The following NELL1 variants were observed in gnomAD, a reference collection of about 807,000 sequenced individuals.
NELL1 encodes the protein protein kinase C-binding protein NELL1.
NELL1 carries 76 observed loss-of-function variants against 107.4 expected under a neutral mutation model. That is an observed-to-expected ratio of 0.71 (90% CI 0.59 to 0.86). The LOEUF (loss-of-function observed/expected upper bound fraction) is 0.86. Ranked by LOEUF, NELL1 falls within the 40% of genes least tolerant of loss-of-function variation. The pLI, the probability that NELL1 is intolerant of heterozygous loss-of-function variation, is 0.00. For missense variants in NELL1, 1,024 were observed against 1,005.5 expected, an observed-to-expected ratio of 1.02 and a Z score of -0.25; for synonymous variants, 353 against 341.2, an observed-to-expected ratio of 1.03 and a Z score of -0.38.
chr11:21,137,576 A>G (rs1343120459), intron 13 of NELL1, among the ~76,000 whole-genome samples: 1 of 152,242 alleles, frequency 6.6e-6, no homozygotes, highest in African/African-American at 2.4e-5. Context: ...AGGATTAGAA[A>G]GAATTGGAGA....
intron 2 of NELL1, among the ~76,000 whole-genome samples, chr11:20,690,056 A>G (rs1854420242): frequency 6.6e-6 from 1 of 152,016 alleles, no homozygotes; most frequent in Non-Finnish European, 1.5e-5. Context: ...GCATTTTTTC[A>G]TGTGTCTTCT....
intron 15 of NELL1, among the ~76,000 whole-genome samples, chr11:21,417,417 G>A (rs1852544557): frequency 4.0e-5 from 6 of 151,338 alleles, no homozygotes; most frequent in Admixed American, 4.0e-4. Context: ...ACAGATTTAT[G>A]TATTAAAAAT....
At chr11:21,327,902 C>T (rs144058501) in intron 14 of NELL1, among the ~76,000 whole-genome samples, 2 of 151,992 alleles carry the variant, frequency 1.3e-5, no homozygotes, top group East Asian at 1.9e-4. Flanking sequence ...ACTTTGAACT[C>T]GGGAGAGATG....
At chr11:20,715,112 G>A (rs1053990339) in intron 2 of NELL1, among the ~76,000 whole-genome samples, 5 of 152,042 alleles carry the variant, frequency 3.3e-5, no homozygotes, top group African/African-American at 1.2e-4. Flanking sequence ...GGGCGTGGTG[G>A]CGGGCGCCTG....
chr11:20,819,354 A>G (rs1419626306), intron 3 of NELL1, among the ~76,000 whole-genome samples: 1 of 152,152 alleles, frequency 6.6e-6, no homozygotes, highest in African/African-American at 2.4e-5. Context: ...ACCCAATTAC[A>G]GTGTTGCATT....
intron 11 of NELL1, among the ~76,000 whole-genome samples, chr11:20,952,939 A>G (rs1437674936): frequency 1.3e-5 from 2 of 152,168 alleles, no homozygotes; most frequent in Admixed American, 6.5e-5. Flanking sequence ...GCCTGTCCTG[A>G]TGGCCCTACC....
At chr11:20,933,886 GT>G (rs1475292159) in intron 9 of NELL1, among the ~76,000 whole-genome samples, 2 of 152,156 alleles carry the variant, frequency 1.3e-5, no homozygotes, top group Non-Finnish European at 2.9e-5. Context: ...AGTACATTTT[GT>G]TTCTGACATA....
intron 4 of NELL1, among the ~76,000 whole-genome samples, chr11:20,877,003 TA>T (rs746797271): frequency 7.2e-5 from 11 of 152,182 alleles, no homozygotes; most frequent in Non-Finnish European, 1.6e-4. Flanking sequence ...CTTATGAGGC[TA>T]AGAGGGGAAA....
At chr11:21,064,419 G>C (rs1056959519) in intron 12 of NELL1, among the ~76,000 whole-genome samples, 8 of 152,114 alleles carry the variant, frequency 5.3e-5, no homozygotes, top group Admixed American at 2.0e-4. Context: ...AGAGAGGAGG[G>C]GGTGACAGTC....
chr11:21,097,232 C>T (rs900448880), intron 12 of NELL1, among the ~76,000 whole-genome samples: 1 of 152,112 alleles, frequency 6.6e-6, no homozygotes, highest in Non-Finnish European at 1.5e-5. Context: ...ACCCTTCATC[C>T]TGCTTTCAAA....
chr11:21,438,736 T>C (rs773626191), intron 15 of NELL1, among the ~76,000 whole-genome samples: 64 of 151,902 alleles, frequency 4.2e-4, no homozygotes, highest in Non-Finnish European at 9.3e-4. Flanking sequence ...TTTAGACTAC[T>C]GGTAAGGCTG....
intron 5 of NELL1, 150 bp from the exon 6 acceptor site, chr11:20,918,032 T>G: frequency 5.1e-6 from 3 of 593,300 alleles, no homozygotes; most frequent in East Asian, 2.9e-5. Flanking sequence ...TGCTTTAGAG[T>G]AGTTCAGTAT....
rs531353689 is a variant in NELL1, at chr11:20,789,080, T to C, written c.335+5250T>C. Among the ~76,000 whole-genome samples, 455 of 152,332 alleles carry C rather than the reference T, an allele frequency of 3.0e-3. 3 individuals are homozygous for C. The highest frequency in any genetic ancestry group is 0.01 in the African/African-American group (435 of 41,582). On this transcript the variant is annotated intron_variant, in intron 3 of 19. Coordinates refer to ENST00000357134, the MANE Select transcript of NELL1 (RefSeq NM_006157.5). ...GCTTATTTCTGGTCTCTTACTGCTATGGAATCTTTGGGGTGTTGCTTTTCT... is the reference window on the plus strand; with the variant it reads ...GCTTATTTCTGGTCTCTTACTGCTACGGAATCTTTGGGGTGTTGCTTTTCT...
At chr11:20,826,065 G>A (rs1857877135) in intron 3 of NELL1, among the ~76,000 whole-genome samples, 1 of 151,344 alleles carries the variant, frequency 6.6e-6, no homozygotes. Flanking sequence ...CTACCACCAT[G>A]TGAAGAAGGA....
rs140599935 is a variant in NELL1 at position 21,503,680 on chromosome 11, T to A, written c.1646-30694T>A. Among the ~76,000 whole-genome samples the A allele has an allele frequency of 2.3e-4, 35 of 152,282 alleles. No individual in the cohort carries two copies. In the East Asian group the frequency reaches 6.6e-3, roughly 29 times the overall value. ...TATTTACATTGCTTCCCAGTTTGAG[T>A]AGCTGGGTCGCTGGGTATAAATCCA... On this transcript the variant is annotated intron_variant, in intron 15 of 19. Transcript: ENST00000357134.
At chr11:21,496,772 C>G (rs545255312) in intron 15 of NELL1, among the ~76,000 whole-genome samples, 29 of 152,234 alleles carry the variant, frequency 1.9e-4, no homozygotes, top group African/African-American at 6.5e-4. Context: ...TCCCTACTTT[C>G]TTGTTTCATT....
intron 2 of NELL1, among the ~76,000 whole-genome samples, chr11:20,768,197 G>A (rs1856572837): frequency 6.6e-6 from 1 of 152,194 alleles, no homozygotes; most frequent in Non-Finnish European, 1.5e-5. Flanking sequence ...AAAGGAGATA[G>A]GTATTATGAG....
chr11:21,364,868 T>C (rs1490346500), intron 14 of NELL1, among the ~76,000 whole-genome samples: 2 of 152,226 alleles, frequency 1.3e-5, no homozygotes, highest in Non-Finnish European at 2.9e-5. Flanking sequence ...CTCCTGCTTC[T>C]CTGAATGGCT....
intron 15 of NELL1, among the ~76,000 whole-genome samples, chr11:21,468,777 A>G (rs1854098030): frequency 6.6e-6 from 1 of 152,028 alleles, no homozygotes; most frequent in South Asian, 2.1e-4. Context: ...AGGTAAGATA[A>G]AGGAGGCATA....
Sources: allele counts gnomAD v4.1 joint callset (sites outside exome capture counted in the v4.1 genomes callset), GRCh38; gene constraint gnomAD v4.1.1; transcripts MANE v1.5; gene names NCBI Gene and HGNC (gene_info 2026-07-23, HGNC 2026-07-21).